The following RHOBTB1 variants were observed in gnomAD, a reference collection of about 807,000 sequenced individuals.
RHOBTB1 encodes the protein Rho related BTB domain containing 1.
RHOBTB1 carries 40 observed loss-of-function variants against 71.6 expected under a neutral mutation model. That is an observed-to-expected ratio of 0.56 (90% CI 0.43 to 0.73). The LOEUF (loss-of-function observed/expected upper bound fraction) is 0.73, where lower values mean the gene tolerates loss of function less well. RHOBTB1 is among the 30% of genes least tolerant of loss of function. The pLI, the probability that RHOBTB1 is intolerant of heterozygous loss-of-function variation, is 0.00. For missense variants in RHOBTB1, 797 were observed against 894.0 expected (o/e 0.89, Z 1.38); for synonymous variants, 319 against 334.9 (o/e 0.95, Z 0.52).
chr10:60,968,479 G>A (rs2086047111), intron 2 of RHOBTB1, among the ~76,000 whole-genome samples: 1 of 152,242 alleles, frequency 6.6e-6, no homozygotes, highest in African/African-American at 2.4e-5. Flanking sequence ...TGCAGACACA[G>A]AGCTGGGTGC....
At chr10:60,911,244 T>G in intron 3 of RHOBTB1, 107 bp downstream of exon 3, 2 of 1,163,866 alleles carry the variant, frequency 1.7e-6, no homozygotes, top group Non-Finnish European at 2.4e-6. Flanking sequence ...AAAGGTTAGT[T>G]TTGTTTTGAA....
In RHOBTB1 at chr10:60,984,329, C is replaced by T. The variant is rs868065323; in HGVS notation, c.-62+1516G>A. Among the ~76,000 whole-genome samples the T allele has an allele frequency of 5.3e-5, 8 of 152,210 alleles. No homozygotes were observed. In the Middle Eastern group the frequency reaches 0.017, roughly 324 times the overall value. On this transcript the variant is annotated intron_variant, in intron 2 of 11. Transcript: ENST00000357917. ...AGGAAAATTTAAACTAAAAAAATAA[C>T]ATTTAATGGATTGACTTTTCTAAAA... is the stretch of plus-strand genomic sequence containing the variant.
At chr10:60,893,361 A>G (rs1277112535) in intron 4 of RHOBTB1, among the ~76,000 whole-genome samples, 14 of 152,242 alleles carry the variant, frequency 9.2e-5, no homozygotes, top group Admixed American at 9.2e-4. Flanking sequence ...AAGAAAATAC[A>G]AACTACCTTT....
intron 4 of RHOBTB1, among the ~76,000 whole-genome samples, chr10:60,895,440 T>A (rs533004446): frequency 6.6e-6 from 1 of 152,340 alleles, no homozygotes; most frequent in African/African-American, 2.4e-5. Context: ...GTTTTGCTCT[T>A]GTTGCCCAGG....
intron 2 of RHOBTB1, among the ~76,000 whole-genome samples, chr10:60,982,085 T>C (rs890027422): frequency 6.6e-6 from 1 of 152,248 alleles, no homozygotes; most frequent in Non-Finnish European, 1.5e-5. Context: ...AGTTACTTTT[T>C]ATTTGTCTTT....
In RHOBTB1 at chr10:60,870,682, T is replaced by G. The variant is rs539189491; in HGVS notation, c.*800A>C. 1 of 152,552 alleles carries G rather than the reference T, an allele frequency of 6.6e-6. No homozygotes were observed. The highest frequency in any genetic ancestry group is 2.1e-4 in the South Asian group (1 of 4,818). 9.4% of individuals were successfully genotyped at this position (152,552 alleles called of 1,614,324 possible). A position where few individuals can be genotyped will look rare whatever the true frequency, so the allele number is the denominator to read the frequency against. The stretch of plus-strand genomic sequence containing the variant: ...TCCGAACACCAGCGCACTAATGGTA[T>G]CTTATGTATTCAGGTCCACCAGTGA... On this transcript the variant is annotated 3_prime_UTR_variant, in exon 11 of 11. Coordinates refer to ENST00000337910, the MANE Select transcript of RHOBTB1 (RefSeq NM_014836.5).
intron 1 of RHOBTB1, among the ~76,000 whole-genome samples, chr10:60,998,500 G>A (rs902198828): frequency 2.6e-5 from 4 of 152,146 alleles, no homozygotes; most frequent in Non-Finnish European, 4.4e-5. Flanking sequence ...GTTTGTAATC[G>A]GCTCCGTGAG....
intron 1 of RHOBTB1, among the ~76,000 whole-genome samples, chr10:60,942,155 T>C (rs1000061780): frequency 2.6e-5 from 4 of 152,160 alleles, no homozygotes; most frequent in Non-Finnish European, 5.9e-5. Flanking sequence ...AACCGATAGA[T>C]AACAATGAAA....
At chr10:60,942,977 C>G (rs141277822) in intron 1 of RHOBTB1, among the ~76,000 whole-genome samples, 21 of 152,072 alleles carry the variant, frequency 1.4e-4, no homozygotes, top group African/African-American at 4.6e-4. Flanking sequence ...TGGAGTTCAA[C>G]AAGGCTCAGT....
At chr10:60,887,325 G>A (rs530369222) in intron 6 of RHOBTB1, among the ~76,000 whole-genome samples, 1 of 152,310 alleles carries the variant, frequency 6.6e-6, no homozygotes, top group East Asian at 1.9e-4. Flanking sequence ...CTTACTAAAT[G>A]TGTAATGCCC....
chr10:60,961,811 G>T (rs75847967), intron 2 of RHOBTB1, among the ~76,000 whole-genome samples: 97 of 127,198 alleles, frequency 7.6e-4, no homozygotes, highest in African/African-American at 2.1e-3. Flanking sequence ...ACCTTTTTTT[G>T]TTTTTTTTTT....
intron 9 of RHOBTB1, among the ~76,000 whole-genome samples, chr10:60,872,496 G>A (rs1336690548): frequency 1.3e-5 from 2 of 152,154 alleles, no homozygotes; most frequent in African/African-American, 4.8e-5. Flanking sequence ...TCCTTTCCCT[G>A]CTGTCATAGG....
chr10:60,929,085 G>A (rs959128375), intron 2 of RHOBTB1, among the ~76,000 whole-genome samples: 3 of 152,108 alleles, frequency 2.0e-5, no homozygotes, highest in African/African-American at 7.2e-5. Context: ...ACTCCAATAT[G>A]AGAATAGCAA....
intron 2 of RHOBTB1, among the ~76,000 whole-genome samples, chr10:60,964,443 C>A (rs2085890687): frequency 6.6e-6 from 1 of 152,134 alleles, no homozygotes; most frequent in African/African-American, 2.4e-5. Context: ...TTAAGGAAGA[C>A]AATTTTAAAA....
rs563759344 is a variant in RHOBTB1 at position 60,996,190 on chromosome 10, T to C, written c.-163+5209A>G. On this transcript the variant is annotated intron_variant, in intron 1 of 11. Transcript: ENST00000357917. ...CTTATTCTTTCCTTTAGTTTGATCATGTTCTCCCCACTTACATATCAATGA... is the reference window on the plus strand; with the variant it reads ...CTTATTCTTTCCTTTAGTTTGATCACGTTCTCCCCACTTACATATCAATGA... 5.9e-5 allele frequency among the ~76,000 whole-genome samples: 9 copies of C among 152,312 alleles called. No individual in the cohort carries two copies. In the South Asian group the frequency reaches 1.9e-3, roughly 32 times the overall value.
intron 1 of RHOBTB1, among the ~76,000 whole-genome samples, chr10:60,986,380 G>T (rs191267666): frequency 6.5e-4 from 85 of 129,826 alleles, no homozygotes; most frequent in African/African-American, 2.5e-3. Context: ...TGCTTTCCAA[G>T]AAATTAATGA....
At chr10:60,899,249 T>C (rs917407504) in intron 4 of RHOBTB1, among the ~76,000 whole-genome samples, 9 of 152,230 alleles carry the variant, frequency 5.9e-5, no homozygotes, top group Non-Finnish European at 1.0e-4. Context: ...TAACTCCTGG[T>C]CAACGAATGC....
At chr10:60,960,793 T>C (rs2085753170) in intron 2 of RHOBTB1, among the ~76,000 whole-genome samples, 1 of 152,176 alleles carries the variant, frequency 6.6e-6, no homozygotes, top group Non-Finnish European at 1.5e-5. Context: ...GGGTGCTGCC[T>C]CTTGGCAGCT....
chr10:60,871,759 G>A (rs1391662635), intron 10 of RHOBTB1, 108 bp from the exon 11 acceptor site: 21 of 1,035,344 alleles, frequency 2.0e-5, no homozygotes, highest in Middle Eastern at 6.3e-4. Context: ...AACGTGATGC[G>A]GCAGAGACTG....
Sources: allele counts gnomAD v4.1 joint callset (sites outside exome capture counted in the v4.1 genomes callset), GRCh38; gene constraint gnomAD v4.1.1; transcripts MANE v1.5; gene names NCBI Gene and HGNC (gene_info 2026-07-23, HGNC 2026-07-21).